MIER3: variants seen among roughly 807,000 people sequenced by gnomAD.
MIER3 encodes the protein MIER family member 3.
MIER3 carries 9 observed loss-of-function variants against 63.2 expected under a neutral mutation model. The observed-to-expected ratio is 0.14, with a 90% CI of 0.09 to 0.25. The LOEUF is 0.25. Ranked by LOEUF, MIER3 falls within the 10% of genes least tolerant of loss-of-function variation. The pLI is 1.00. For synonymous variants in MIER3, 205 were observed against 224.9 expected, an observed-to-expected ratio of 0.91 and a Z score of 0.79; for missense variants, 512 against 666.2, an observed-to-expected ratio of 0.77 and a Z score of 2.55.
chr5:56,922,801 AGT>A lies in MIER3; in HGVS notation c.*325_*326del. ...TCTGTCTACAGGTTTTAAAATTGGG[AGT>A]GAGGGCAGTGGGGAACACAAAAGAA... On this transcript the variant is annotated 3_prime_UTR_variant, in exon 13 of 13. Transcript: ENST00000381199. 1.5e-5 allele frequency: 4 copies of A among 274,070 alleles called. No homozygotes were observed. The highest frequency in any genetic ancestry group is 5.4e-5 in the South Asian group (1 of 18,350). 17.0% of individuals were successfully genotyped at this position (274,070 alleles called of 1,614,324 possible).
intron 3 of MIER3, 28 bp downstream of exon 3, chr5:56,946,898 A>C: frequency 7.0e-7 from 1 of 1,422,246 alleles, no homozygotes; most frequent in Middle Eastern, 1.8e-4. Flanking sequence ...ATCTTTGTTA[A>C]GTTTGTATAT....
intron 2 of MIER3, among the ~76,000 whole-genome samples, chr5:56,948,441 A>G (rs1390866017): frequency 1.3e-5 from 2 of 152,052 alleles, no homozygotes; most frequent in Admixed American, 6.6e-5. Flanking sequence ...AAGTGGGGGG[A>G]TCACCTGAGG....
At chr5:56,951,481 AC>A (rs1751027844) in intron 1 of MIER3, among the ~76,000 whole-genome samples, 1 of 151,652 alleles carries the variant, frequency 6.6e-6, no homozygotes, top group African/African-American at 2.4e-5. Context: ...CTGCCCTTTA[AC>A]CCCAGGGGCT....
At position 56,923,010 on chromosome 5, in the gene MIER3, G is replaced by C; in HGVS notation, c.*118C>G. 1.4e-6 allele frequency: 1 copy of C among 725,038 alleles called. No homozygotes were observed. Among genetic ancestry groups the C allele is most frequent in the Non-Finnish European group, 2.3e-6 (1 of 438,632 alleles). The allele number at this position is 725,038 out of a possible 1,614,324, so 44.9% of individuals were successfully genotyped here. On this transcript the variant is annotated 3_prime_UTR_variant, in exon 13 of 13. Transcript: ENST00000381199. ...ATCAAGATATAGTTCTATACATACT[G>C]ACATCACTGATGTCATAGTGAGAAA... is the stretch of plus-strand genomic sequence containing the variant.
intron 1 of MIER3, 133 bp from the exon 2 acceptor site, chr5:56,950,785 TCG>T: frequency 1.1e-6 from 1 of 942,332 alleles, no homozygotes; most frequent in Non-Finnish European, 1.6e-6. Flanking sequence ...GTAGCTTCAC[TCG>T]AATCGCTCCC....
Position 56,938,945 on chromosome 5 carries a change from A to C in MIER3, c.253T>G (p.Ser85Ala). 1.2e-6 allele frequency: 2 copies of C among 1,614,148 alleles called. No individual in the cohort carries two copies. Among genetic ancestry groups the C allele is most frequent in the Non-Finnish European group, 1.7e-6 (2 of 1,180,016 alleles). Residue 85 changes from serine to alanine, a missense_variant, in exon 4 of 13, where the codon TCC becomes GCC. Transcript: ENST00000381199. ...TCACTTGGGGAACTATTTGCACTGGAATTTGCAACTGCTGGAATTGTAGGT... is the reference window on the plus strand; with the variant it reads ...TCACTTGGGGAACTATTTGCACTGGCATTTGCAACTGCTGGAATTGTAGGT... Reference protein sequence around the residue: ...YEPTIPAVANSSANSSPSELA... With the variant: ...YEPTIPAVANASANSSPSELA...
chr5:56,947,629 A>ATT (rs1330005191), intron 2 of MIER3, among the ~76,000 whole-genome samples: 9 of 152,216 alleles, frequency 5.9e-5, no homozygotes, highest in African/African-American at 2.2e-4. Context: ...TTTTAAAAGC[A>ATT]TTGTATCACT....
chr5:56,951,445 C>T (rs1426202265), intron 1 of MIER3, among the ~76,000 whole-genome samples: 1 of 152,136 alleles, frequency 6.6e-6, no homozygotes, highest in Non-Finnish European at 1.5e-5. Flanking sequence ...AGCCGCTCTC[C>T]TGGAGAGGGC....
At chr5:56,927,050 A>C (rs1159277243) in intron 10 of MIER3, among the ~76,000 whole-genome samples, 1 of 152,198 alleles carries the variant, frequency 6.6e-6, no homozygotes, top group Non-Finnish European at 1.5e-5. Context: ...CAGTACAGAC[A>C]ATAAAAAGAT....
chr5:56,923,034 A>G lies in MIER3; in HGVS notation c.*94T>C. On this transcript the variant is annotated 3_prime_UTR_variant, in exon 13 of 13. Transcript: ENST00000381199. ...TGACATCACTGATGTCATAGTGAGAAAGGTTCAAACTTCCAGTGAAAGACT... is the reference window on the plus strand; with the variant it reads ...TGACATCACTGATGTCATAGTGAGAGAGGTTCAAACTTCCAGTGAAAGACT... The G allele has an allele frequency of 3.1e-6, 3 of 967,306 alleles. No homozygotes were observed. The highest frequency in any genetic ancestry group is 4.6e-6 in the Non-Finnish European group (3 of 645,498). The allele number at this position is 967,306 out of a possible 1,614,324, so 59.9% of individuals were successfully genotyped here.
rs993222904 is a variant in MIER3 at position 56,952,078 on chromosome 5, C to T, written c.9+16G>A. On this transcript the variant is annotated intron_variant, in intron 1 of 12. Coordinates refer to ENST00000381199, the MANE Select transcript of MIER3 (RefSeq NM_001297599.2). ...CCGCTCCAGCCCGGCTGCTCCTGCC[C>T]GGTTTCCCTGCTCACCTCCGCCATA... The T allele has an allele frequency of 1.5e-5, 19 of 1,301,316 alleles. No homozygotes were observed. Among genetic ancestry groups the T allele is most frequent in the Non-Finnish European group, 1.9e-5 (19 of 1,006,946 alleles). 80.6% of individuals were successfully genotyped at this position (1,301,316 alleles called of 1,614,324 possible).
intron 1 of MIER3, among the ~76,000 whole-genome samples, chr5:56,951,078 C>G (rs1751008659): frequency 6.6e-6 from 1 of 152,194 alleles, no homozygotes; most frequent in Admixed American, 6.5e-5. Flanking sequence ...AACTCGCGTT[C>G]TGAGCACCTA....
chr5:56,952,087 T>C lies in MIER3; in HGVS notation c.9+7A>G. The C allele has an allele frequency of 1.8e-5, 24 of 1,302,026 alleles. No homozygotes were observed. The highest frequency in any genetic ancestry group is 2.4e-5 in the Non-Finnish European group (24 of 1,007,332). The allele number at this position is 1,302,026 out of a possible 1,614,324, so 80.7% of individuals were successfully genotyped here. ...CCCGGCTGCTCCTGCCCGGTTTCCC[T>C]GCTCACCTCCGCCATATTGGTACCT... On this transcript the variant is annotated splice_region_variant and intron_variant, in intron 1 of 12. Coordinates refer to ENST00000381199, the MANE Select transcript of MIER3 (RefSeq NM_001297599.2).
intron 10 of MIER3, among the ~76,000 whole-genome samples, chr5:56,926,628 A>G (rs1264319446): frequency 6.6e-6 from 1 of 151,626 alleles, no homozygotes; most frequent in Admixed American, 6.6e-5. Context: ...CTCATTCATT[A>G]CTGCTGGAAA....
At position 56,952,079 on chromosome 5, in the gene MIER3, G is replaced by C; in HGVS notation, c.9+15C>G. ...CGCTCCAGCCCGGCTGCTCCTGCCCGGTTTCCCTGCTCACCTCCGCCATAT... is the reference window on the plus strand; with the variant it reads ...CGCTCCAGCCCGGCTGCTCCTGCCCCGTTTCCCTGCTCACCTCCGCCATAT... On this transcript the variant is annotated intron_variant, in intron 1 of 12. Coordinates refer to ENST00000381199, the MANE Select transcript of MIER3 (RefSeq NM_001297599.2). 1.5e-6 allele frequency: 2 copies of C among 1,299,994 alleles called. No individual in the cohort carries two copies. Among genetic ancestry groups the C allele is most frequent in the Non-Finnish European group, 2.0e-6 (2 of 1,006,414 alleles). The allele number at this position is 1,299,994 out of a possible 1,614,324, so 80.5% of individuals were successfully genotyped here.
chr5:56,925,303 A>G (rs1251839848), intron 10 of MIER3: 1 of 454,000 alleles, frequency 2.2e-6, no homozygotes, highest in Non-Finnish European at 4.4e-6. Flanking sequence ...CAGATTGGGA[A>G]GGAAGAAATA....
Position 56,935,519 on chromosome 5 carries a change from G to A in MIER3, c.523-19C>T. 6.4e-7 allele frequency: 1 copy of A among 1,565,044 alleles called. No homozygotes were observed. Among genetic ancestry groups the A allele is most frequent in the Non-Finnish European group, 8.6e-7 (1 of 1,159,102 alleles). The stretch of plus-strand genomic sequence containing the variant: ...TTATTTCCTACAGGAAAATTGAGAG[G>A]TAAAAATAACTTATTAAAAAAAAAA... On this transcript the variant is annotated intron_variant, in intron 6 of 12. Transcript: ENST00000381199.
Position 56,943,332 on chromosome 5 carries a change from A to AT in MIER3, c.180+3593dup, listed in dbSNP as rs752104362. Among the ~76,000 whole-genome samples the AT allele has an allele frequency of 6.0e-5, 8 of 134,208 alleles. No homozygotes were observed. In the East Asian group the frequency reaches 8.4e-4, roughly 14 times the overall value. 88.0% of individuals were successfully genotyped at this position (134,208 alleles called of 152,430 possible). On this transcript the variant is annotated intron_variant, in intron 3 of 12. Transcript: ENST00000381199. ...GCATTAGTAGGATTCTTATGTGGAA[A>AT]TTTAAAAAAAAAAAAGGTAGAAGAA...
chr5:56,931,207 C>T (rs1473446662), intron 8 of MIER3, among the ~76,000 whole-genome samples: 2 of 152,144 alleles, frequency 1.3e-5, no homozygotes, highest in Non-Finnish European at 2.9e-5. Flanking sequence ...TAACGGTCTC[C>T]GTTATTTCCA....
Sources: gnomAD v4.1 joint callset for allele counts (sites outside exome capture counted in the v4.1 genomes callset) on GRCh38, gnomAD v4.1.1 for gene constraint, MANE v1.5 for transcripts, NCBI Gene and HGNC (gene_info 2026-07-23, HGNC 2026-07-21) for gene names.